The following ZNF600 variants were observed in gnomAD, a reference collection of about 807,000 sequenced individuals.
ZNF600 encodes zinc finger protein 600.
In ZNF600, 4 loss-of-function variants were observed where a neutral mutation model predicts 7.3. The observed-to-expected ratio is 0.55, with a 90% CI of 0.27 to 1.25. The LOEUF is 1.25. ZNF600 is among the 50% of genes most tolerant of loss of function. The pLI is 0.12. For missense variants in ZNF600, 911 were observed against 922.1 expected (o/e 0.99, Z 0.16); for synonymous variants, 290 against 308.9 (o/e 0.94, Z 0.64).
At chr19:52,783,132 C>T (rs927318826) in intron 1 of ZNF600, among the ~76,000 whole-genome samples, 1 of 151,096 alleles carries the variant, frequency 6.6e-6, no homozygotes, top group Non-Finnish European at 1.5e-5. Context: ...AGAGGGGTTG[C>T]AGAGGGAAGC....
the ZNF600 span, among the ~76,000 whole-genome samples, chr19:52,829,338 T>C: frequency 6.6e-6 from 1 of 151,600 alleles, no homozygotes; most frequent in East Asian, 1.9e-4. Context: ...TAGCATTAGG[T>C]ATCTCTCCCA....
At chr19:52,770,042 A>T (rs2062619209) in intron 3 of ZNF600, among the ~76,000 whole-genome samples, 1 of 152,254 alleles carries the variant, frequency 6.6e-6, no homozygotes. Context: ...AAAAGCCACA[A>T]CATCTACTTA....
chr19:52,784,085 T>A (rs114464946), intron 1 of ZNF600, among the ~76,000 whole-genome samples: 3,211 of 150,844 alleles, frequency 0.021, 108 homozygotes, highest in African/African-American at 0.069. Context: ...CAAAAAAAAA[T>A]AATAATAATA....
In ZNF600 at chr19:52,777,247, A is replaced by G. The variant is rs542413768; in HGVS notation, c.63+1579T>C. Among the ~76,000 whole-genome samples, 25 of 152,244 alleles carry G rather than the reference A, an allele frequency of 1.6e-4. 1 individual carries two copies. The South Asian group carries it at 2.1e-3, about 13-fold the overall frequency. The stretch of plus-strand genomic sequence containing the variant: ...CAAAAAATTAAACAGGCGAGGCAGC[A>G]AATGCCTGTAATCCCAGATACTCGG... On this transcript the variant is annotated intron_variant, in intron 2 of 3. Transcript: ENST00000648973.
At chr19:52,774,998 G>A (rs1245107528) in intron 2 of ZNF600, among the ~76,000 whole-genome samples, 1 of 152,062 alleles carries the variant, frequency 6.6e-6, no homozygotes, top group Non-Finnish European at 1.5e-5. Context: ...CTAACACTTC[G>A]GGAGGCCAAG....
intron 1 of ZNF600, among the ~76,000 whole-genome samples, chr19:52,786,148 AGGGGGT>A (rs952552562): frequency 3.3e-4 from 50 of 152,152 alleles, no homozygotes; most frequent in African/African-American, 1.1e-3. Flanking sequence ...CGCATTTTCC[AGGGGGT>A]GGAGCTGGAC....
chr19:52,786,364 C>T (rs919335145), intron 1 of ZNF600, among the ~76,000 whole-genome samples: 38 of 152,230 alleles, frequency 2.5e-4, no homozygotes, highest in African/African-American at 9.1e-4. Flanking sequence ...GGGGCCGGGG[C>T]GCCGCGCTCC....
chr19:52,806,731 G>A, the ZNF600 span, among the ~76,000 whole-genome samples: 4 of 151,768 alleles, frequency 2.6e-5, no homozygotes, highest in African/African-American at 7.3e-5. Flanking sequence ...GTGAAACACT[G>A]TCTCTACTAA....
chr19:52,778,803 T>C lies in ZNF600; in HGVS notation c.63+23A>G, dbSNP rs2062697006. 6.3e-6 allele frequency: 10 copies of C among 1,593,948 alleles called. No individual in the cohort carries two copies. The South Asian group carries it at 9.0e-5, about 14-fold the overall frequency. The stretch of plus-strand genomic sequence containing the variant: ...TTCAGAAAGGAAAGAGACAGATTAA[T>C]CCACAGAGGAATATCACTTCACCTG... On this transcript the variant is annotated intron_variant, in intron 2 of 3. Coordinates refer to ENST00000648973, the Ensembl canonical transcript of ZNF600.
exon 4 of ZNF600, chr19:52,766,872 A>G: frequency 1.2e-6 from 2 of 1,614,140 alleles, no homozygotes; most frequent in Non-Finnish European, 1.7e-6. Flanking sequence ...TCCAGTATGA[A>G]TTCTACGATG....
At chr19:52,804,248 CATGAGAAATCA>C in the ZNF600 span, among the ~76,000 whole-genome samples, 4 of 152,320 alleles carry the variant, frequency 2.6e-5, no homozygotes, top group African/African-American at 9.6e-5. Flanking sequence ...TTTCCAAATT[CATGAGAAATCA>C]ATGTCTTTGT....
the ZNF600 span, among the ~76,000 whole-genome samples, chr19:52,810,888 TCCCCCTCCCC>T: frequency 0.13 from 513 of 3,966 alleles, 15 homozygotes; most frequent in Middle Eastern, 0.5. Flanking sequence ...CCCCTCCCCC[TCCCCCTCCCC>T]CTCCCTCTCC....
At chr19:52,809,964 G>A in the ZNF600 span, 2 of 797,240 alleles carry the variant, frequency 2.5e-6, no homozygotes, top group Non-Finnish European at 4.3e-6. Flanking sequence ...AGGGGACGAT[G>A]GGAACGGCCT....
In ZNF600 at chr19:52,777,331, C is replaced by G. The variant is rs545812343; in HGVS notation, c.63+1495G>C. Among the ~76,000 whole-genome samples, 11 of 152,142 alleles carry G rather than the reference C, an allele frequency of 7.2e-5. No homozygotes were observed. The East Asian group carries it at 9.7e-4, about 13-fold the overall frequency. On this transcript the variant is annotated intron_variant, in intron 2 of 3. Coordinates refer to ENST00000648973, the Ensembl canonical transcript of ZNF600. ...AGGCAGAGGGGCAGGGAGCTGAGATCCCACCACTGCAATCCAACCTGGGCA... is the reference window on the plus strand; with the variant it reads ...AGGCAGAGGGGCAGGGAGCTGAGATGCCACCACTGCAATCCAACCTGGGCA...
intron 3 of ZNF600, among the ~76,000 whole-genome samples, chr19:52,774,325 A>T (rs563334465): frequency 3.3e-4 from 50 of 152,062 alleles, no homozygotes; most frequent in African/African-American, 1.2e-3. Flanking sequence ...GCTACCCAGG[A>T]GGCTGAGGCA....
upstream of ZNF600, among the ~76,000 whole-genome samples, chr19:52,787,317 C>G (rs1407358464): frequency 6.6e-6 from 1 of 152,100 alleles, no homozygotes; most frequent in Non-Finnish European, 1.5e-5. Context: ...AATCCCTGAA[C>G]CTGGGGGTCC....
chr19:52,808,169 G>A, the ZNF600 span: 9 of 1,610,436 alleles, frequency 5.6e-6, no homozygotes, highest in Non-Finnish European at 7.6e-6. Context: ...AATGGTTATG[G>A]TGGAGTTCTT....
At chr19:52,794,257 T>C in the ZNF600 span, among the ~76,000 whole-genome samples, 1 of 152,192 alleles carries the variant, frequency 6.6e-6, no homozygotes, top group African/African-American at 2.4e-5. Context: ...TGTGGGTTTT[T>C]TTACATTTTT....
exon 4 of ZNF600, chr19:52,766,132 G>A: frequency 1.2e-6 from 2 of 1,613,762 alleles, no homozygotes; most frequent in Non-Finnish European, 1.7e-6. Context: ...CGATGGCAAT[G>A]AAGGTATGAC....
Sources: allele counts gnomAD v4.1 joint callset (sites outside exome capture counted in the v4.1 genomes callset), GRCh38; gene constraint gnomAD v4.1.1; transcripts MANE v1.5; gene names NCBI Gene and HGNC (gene_info 2026-07-23, HGNC 2026-07-21).